The following PLA2G4A variants were observed in gnomAD, a reference collection of about 807,000 sequenced individuals.
The protein encoded by PLA2G4A is phospholipase A2 group IVA.
PLA2G4A carries 40 observed loss-of-function variants against 81.9 expected under a neutral mutation model. The observed-to-expected ratio is 0.49, with a 90% CI of 0.38 to 0.64. The LOEUF is 0.64. Ranked by LOEUF, PLA2G4A falls within the 30% of genes least tolerant of loss-of-function variation. PLA2G4A has a pLI of 0.00. For synonymous variants in PLA2G4A, 302 were observed against 296.9 expected (o/e 1.02, Z -0.18); for missense variants, 715 against 905.1 (o/e 0.79, Z 2.69).
At chr1:186,884,657 G>T (rs1558399579) in intron 3 of PLA2G4A, among the ~76,000 whole-genome samples, 1 of 151,968 alleles carries the variant, frequency 6.6e-6, no homozygotes, top group East Asian at 1.9e-4. Context: ...CAGATGAATT[G>T]TTTGAGCCCA....
At chr1:186,976,226 ATTGAT>A (rs1418201159) in intron 15 of PLA2G4A, among the ~76,000 whole-genome samples, 6 of 152,198 alleles carry the variant, frequency 3.9e-5, no homozygotes, top group African/African-American at 1.4e-4. Flanking sequence ...GTCGACCACT[ATTGAT>A]TGCTGTGGAA....
At chr1:186,924,571 ATTTC>A (rs1004420721) in intron 7 of PLA2G4A, among the ~76,000 whole-genome samples, 9 of 151,550 alleles carry the variant, frequency 5.9e-5, no homozygotes, top group East Asian at 5.9e-4. Context: ...TCCTCATTCT[ATTTC>A]TTTCTTTCTT....
chr1:186,956,048 C>A, intron 13 of PLA2G4A, 54 bp from the exon 14 acceptor site: 2 of 1,554,488 alleles, frequency 1.3e-6, no homozygotes, highest in Non-Finnish European at 1.8e-6. Flanking sequence ...CCCAAAGATC[C>A]CTTTTTAAAC....
At chr1:186,924,597 G>C (rs1263107213) in intron 7 of PLA2G4A, among the ~76,000 whole-genome samples, 1 of 151,842 alleles carries the variant, frequency 6.6e-6, no homozygotes, top group African/African-American at 2.4e-5. Flanking sequence ...TTTTGAGACA[G>C]GGTTTCACTT....
At chr1:186,979,958 T>TTC (rs1553223482) in intron 17 of PLA2G4A, among the ~76,000 whole-genome samples, 1 of 142,888 alleles carries the variant, frequency 7.0e-6, no homozygotes, top group Admixed American at 7.0e-5. Context: ...TTTTTTTTTT[T>TTC]TTTTTTTGAG....
At chr1:186,949,958 C>A (rs539897011) in intron 12 of PLA2G4A, among the ~76,000 whole-genome samples, 14 of 152,212 alleles carry the variant, frequency 9.2e-5, no homozygotes, top group African/African-American at 3.4e-4. Context: ...GTTGCTTGAG[C>A]CCAGAGGCAG....
chr1:186,965,626 A>C (rs750187725), intron 15 of PLA2G4A, 33 bp downstream of exon 15: 8 of 1,452,116 alleles, frequency 5.5e-6, no homozygotes, highest in Non-Finnish European at 7.7e-6. Context: ...TCCATTCTCT[A>C]CCACATTCTC....
intron 9 of PLA2G4A, among the ~76,000 whole-genome samples, chr1:186,939,499 A>AAC (rs1656072706): frequency 1.4e-5 from 1 of 73,488 alleles, no homozygotes; most frequent in African/African-American, 1.3e-4. Flanking sequence ...CTGGAAAAAA[A>AAC]AAAAAAAAAA....
At chr1:186,885,887 A>G (rs574310052) in intron 3 of PLA2G4A, among the ~76,000 whole-genome samples, 261 of 152,288 alleles carry the variant, frequency 1.7e-3, no homozygotes, top group African/African-American at 5.8e-3. Flanking sequence ...GAAATAAAAT[A>G]TAGAATAAAA....
At chr1:186,837,357 A>G (rs1224791682) in intron 1 of PLA2G4A, among the ~76,000 whole-genome samples, 2 of 152,076 alleles carry the variant, frequency 1.3e-5, no homozygotes, top group East Asian at 3.9e-4. Flanking sequence ...CAGCAACCAA[A>G]TGGAGACATA....
intron 2 of PLA2G4A, among the ~76,000 whole-genome samples, chr1:186,865,115 T>C (rs1346084653): frequency 6.7e-6 from 1 of 148,956 alleles, no homozygotes; most frequent in African/African-American, 2.4e-5. Flanking sequence ...TAAAATATAA[T>C]ATATTGCCAA....
chr1:186,987,922 G>A (rs1478844955), intron 17 of PLA2G4A, among the ~76,000 whole-genome samples: 1 of 152,160 alleles, frequency 6.6e-6, no homozygotes, highest in African/African-American at 2.4e-5. Flanking sequence ...GAGGAAGGAA[G>A]GCAATTCTCC....
At chr1:186,852,445 G>A (rs1351691906) in intron 1 of PLA2G4A, among the ~76,000 whole-genome samples, 3 of 152,042 alleles carry the variant, frequency 2.0e-5, no homozygotes, top group Non-Finnish European at 4.4e-5. Context: ...ATAACAGAAT[G>A]TGACCCACTG....
intron 7 of PLA2G4A, among the ~76,000 whole-genome samples, chr1:186,919,574 G>A (rs1047372766): frequency 6.6e-6 from 1 of 152,112 alleles, no homozygotes; most frequent in East Asian, 1.9e-4. Context: ...CTCAAGCCAC[G>A]GCCTCCCTGA....
chr1:186,912,850 T>A (rs1347321336), intron 7 of PLA2G4A, among the ~76,000 whole-genome samples: 4 of 146,558 alleles, frequency 2.7e-5, no homozygotes, highest in Admixed American at 6.9e-5. Flanking sequence ...TATGTATTTG[T>A]ATATAATATA....
chr1:186,857,338 T>G (rs556359074), intron 2 of PLA2G4A, among the ~76,000 whole-genome samples: 2 of 122,092 alleles, frequency 1.6e-5, no homozygotes, highest in Non-Finnish European at 3.2e-5. Flanking sequence ...AAATATAATA[T>G]TATATATATT....
At chr1:186,908,206 A>G (rs1035641257) in intron 6 of PLA2G4A, among the ~76,000 whole-genome samples, 3 of 152,054 alleles carry the variant, frequency 2.0e-5, no homozygotes, top group African/African-American at 7.2e-5. Context: ...CATAAAAGTA[A>G]ATTAACCATA....
intron 7 of PLA2G4A, among the ~76,000 whole-genome samples, chr1:186,924,112 A>G (rs981350177): frequency 6.6e-6 from 1 of 152,092 alleles, no homozygotes; most frequent in African/African-American, 2.4e-5. Flanking sequence ...TATTATTCAG[A>G]TTTTCCCAGA....
intron 3 of PLA2G4A, among the ~76,000 whole-genome samples, chr1:186,886,905 G>A (rs192843475): frequency 8.5e-5 from 13 of 152,128 alleles, no homozygotes; most frequent in East Asian, 1.9e-4. Context: ...TTAGTTCCTC[G>A]TAATATTATA....
Sources: allele counts gnomAD v4.1 joint callset (sites outside exome capture counted in the v4.1 genomes callset), GRCh38; gene constraint gnomAD v4.1.1; transcripts MANE v1.5; gene names NCBI Gene and HGNC (gene_info 2026-07-23, HGNC 2026-07-21).